Variants in ACYP2 observed in about 807,000 individuals in gnomAD.
The protein encoded by ACYP2 is acylphosphatase-2.
In ACYP2, 12 loss-of-function variants were observed where a neutral mutation model predicts 11.2. The observed-to-expected ratio is 1.08, with a 90% CI of 0.69 to 1.74. The LOEUF is 1.74. ACYP2 is among the 40% of genes most tolerant of loss of function. The probability of loss-of-function intolerance (pLI) is 0.00; values close to 1 mark genes in which losing one functional copy is unlikely to be tolerated. For missense variants in ACYP2, 134 were observed against 101.9 expected (o/e 1.31, Z -1.35); for synonymous variants, 43 against 32.2 (o/e 1.33, Z -1.13).
chr2:54,302,232 T>C (rs1462354093), intron 6 of ACYP2, among the ~76,000 whole-genome samples: 1 of 152,178 alleles, frequency 6.6e-6, no homozygotes, highest in Non-Finnish European at 1.5e-5. Flanking sequence ...CCCATTCAAA[T>C]ATGGTTTTCA....
intron 2 of ACYP2, among the ~76,000 whole-genome samples, chr2:54,018,493 G>C (rs115057417): frequency 0.016 from 2,402 of 149,412 alleles, 32 homozygotes; most frequent in African/African-American, 0.038. Context: ...CAGATGAACA[G>C]AATAAAAGGC....
chr2:54,198,445 T>G (rs1684609192), intron 6 of ACYP2, among the ~76,000 whole-genome samples: 1 of 152,134 alleles, frequency 6.6e-6, no homozygotes, highest in African/African-American at 2.4e-5. Context: ...CTACATAGTT[T>G]GTGGGGCCTC....
intron 6 of ACYP2, among the ~76,000 whole-genome samples, chr2:54,158,713 T>G (rs1014652964): frequency 1.3e-5 from 2 of 152,202 alleles, no homozygotes; most frequent in African/African-American, 4.8e-5. Flanking sequence ...TATCAAGTGT[T>G]TTTCAAAACA....
chr2:54,050,822 T>C (rs1467100592), intron 2 of ACYP2: 1 of 361,090 alleles, frequency 2.8e-6, no homozygotes, highest in Non-Finnish European at 4.9e-6. Context: ...TCATTGAGGC[T>C]GGAGTGCAGT....
At chr2:54,055,499 C>G (rs911772884) in intron 3 of ACYP2, among the ~76,000 whole-genome samples, 3 of 151,990 alleles carry the variant, frequency 2.0e-5, no homozygotes, top group Admixed American at 2.0e-4. Flanking sequence ...ATATATTGTC[C>G]AATTTCATTC....
intron 4 of ACYP2, among the ~76,000 whole-genome samples, chr2:54,105,306 C>G (rs1679097363): frequency 6.6e-6 from 1 of 152,040 alleles, no homozygotes; most frequent in Non-Finnish European, 1.5e-5. Flanking sequence ...TTCAGTTTCT[C>G]CTACTTGGGA....
At chr2:54,257,936 C>A (rs952823041) in intron 6 of ACYP2, among the ~76,000 whole-genome samples, 3 of 152,134 alleles carry the variant, frequency 2.0e-5, no homozygotes, top group African/African-American at 7.2e-5. Flanking sequence ...GATTTTGAGG[C>A]GACTGCTACC....
At chr2:54,115,489 C>G in intron 4 of ACYP2, 126 bp from the exon 1 acceptor site, 1 of 1,378,462 alleles carries the variant, frequency 7.3e-7, no homozygotes, top group Non-Finnish European at 9.6e-7. Flanking sequence ...GCGGCCTCTT[C>G]CCTCCTGGCG....
rs573316064 is a variant in ACYP2 at position 54,180,257 on chromosome 2, T to A, written c.404+41509T>A. 2.0e-5 allele frequency among the ~76,000 whole-genome samples: 3 copies of A among 152,028 alleles called. No individual in the cohort carries two copies. The East Asian group carries it at 5.8e-4, about 29-fold the overall frequency. On this transcript the variant is annotated intron_variant, in intron 6 of 6. Transcript: ENST00000607452. ...TATTTATTTCTATTTTTATTTTTAA[T>A]TTTTTTTAATGGAGGCTTCATTCAG...
intron 4 of ACYP2, among the ~76,000 whole-genome samples, chr2:54,127,605 C>T (rs10193846): frequency 0.082 from 12,430 of 151,732 alleles, 613 homozygotes; most frequent in African/African-American, 0.13. Context: ...AAAATTAGCC[C>T]GGTGTGGTGG....
intron 6 of ACYP2, among the ~76,000 whole-genome samples, chr2:54,196,524 A>T (rs190459656): frequency 6.6e-6 from 1 of 152,020 alleles, no homozygotes; most frequent in Non-Finnish European, 1.5e-5. Flanking sequence ...TTTTTTTAAG[A>T]TTTGGTGAAT....
Position 54,192,613 on chromosome 2 carries a change from T to C in ACYP2, c.404+53865T>C, listed in dbSNP as rs575394654. On this transcript the variant is annotated intron_variant, in intron 6 of 6. Coordinates refer to ENST00000607452, the MANE Select transcript of ACYP2 (RefSeq NM_001320586.2). ...TTTGTTCATTATATCTTACCTGTTA[T>C]ATTTAAAAAAAGAGGCTTGTAATAT... Among the ~76,000 whole-genome samples, 25 of 152,334 alleles carry C rather than the reference T, an allele frequency of 1.6e-4. 1 individual carries two copies. The South Asian group carries it at 5.0e-3, about 30-fold the overall frequency.
At chr2:54,155,788 T>A (rs376870048) in intron 6 of ACYP2, among the ~76,000 whole-genome samples, 3 of 152,232 alleles carry the variant, frequency 2.0e-5, no homozygotes, top group East Asian at 1.9e-4. Context: ...TCTCAAGATA[T>A]TTTTAAATTT....
At chr2:54,042,819 C>G (rs1675306975) in intron 2 of ACYP2, among the ~76,000 whole-genome samples, 1 of 152,216 alleles carries the variant, frequency 6.6e-6, no homozygotes, top group Admixed American at 6.5e-5. Context: ...ACTCTCGTTT[C>G]ACGAATCCAA....
chr2:53,995,395 T>C (rs1317812436), intron 2 of ACYP2, among the ~76,000 whole-genome samples: 1 of 152,072 alleles, frequency 6.6e-6, no homozygotes, highest in African/African-American at 2.4e-5. Flanking sequence ...ATTTCTTCAT[T>C]TTCTAGTGCA....
intron 4 of ACYP2, among the ~76,000 whole-genome samples, chr2:54,104,977 T>A (rs1324400850): frequency 6.6e-6 from 1 of 152,186 alleles, no homozygotes; most frequent in African/African-American, 2.4e-5. Flanking sequence ...ATTCAGGTAT[T>A]CCCTTCGAAG....
At chr2:54,024,084 A>G (rs1041416759) in intron 2 of ACYP2, among the ~76,000 whole-genome samples, 3 of 152,194 alleles carry the variant, frequency 2.0e-5, no homozygotes, top group Non-Finnish European at 4.4e-5. Flanking sequence ...TATCAAAAAG[A>G]TAATCCAGGC....
intron 2 of ACYP2, among the ~76,000 whole-genome samples, chr2:53,976,412 G>A (rs1671492731): frequency 1.3e-5 from 2 of 152,042 alleles, no homozygotes; most frequent in South Asian, 4.1e-4. Context: ...TCAATGTGTT[G>A]CCCGGGCAGG....
At chr2:53,977,166 G>A (rs1055741544) in intron 2 of ACYP2, among the ~76,000 whole-genome samples, 1 of 152,080 alleles carries the variant, frequency 6.6e-6, no homozygotes, top group Non-Finnish European at 1.5e-5. Context: ...TTCTGCCTCA[G>A]TTTCCCGAGT....
Sources: allele counts gnomAD v4.1 joint callset (sites outside exome capture counted in the v4.1 genomes callset), GRCh38; gene constraint gnomAD v4.1.1; transcripts MANE v1.5; gene names NCBI Gene and HGNC (gene_info 2026-07-23, HGNC 2026-07-21).